The following PCSK2 variants were observed in gnomAD, a reference collection of about 807,000 sequenced individuals.
The protein encoded by PCSK2 is proprotein convertase subtilisin/kexin type 2, also known as neuroendocrine convertase 2.
PCSK2 carries 14 observed loss-of-function variants against 69.7 expected under a neutral mutation model. The observed-to-expected ratio is 0.20, with a 90% CI of 0.13 to 0.31. The LOEUF is 0.31. Ranked by LOEUF, PCSK2 falls within the 10% of genes least tolerant of loss-of-function variation. The pLI is 1.00. For missense variants in PCSK2, 544 were observed against 842.5 expected, an observed-to-expected ratio of 0.65 and a Z score of 4.39; for synonymous variants, 307 against 320.7, an observed-to-expected ratio of 0.96 and a Z score of 0.46.
chr20:17,396,351 G>A (rs1189057631), intron 5 of PCSK2, among the ~76,000 whole-genome samples: 2 of 152,202 alleles, frequency 1.3e-5, no homozygotes, highest in East Asian at 3.9e-4. Flanking sequence ...CATAACTGCA[G>A]CTGTGGTAAG....
intron 5 of PCSK2, among the ~76,000 whole-genome samples, chr20:17,395,013 A>C (rs192084584): frequency 6.6e-6 from 1 of 152,316 alleles, no homozygotes; most frequent in East Asian, 1.9e-4. Context: ...TCTTGTTCAA[A>C]GGTTCAAACT....
chr20:17,305,205 C>T (rs1338939813), intron 2 of PCSK2, among the ~76,000 whole-genome samples: 1 of 152,192 alleles, frequency 6.6e-6, no homozygotes, highest in Non-Finnish European at 1.5e-5. Flanking sequence ...TTTAGGGAAA[C>T]ACTCGTATAA....
chr20:17,369,131 G>A (rs2030683545), intron 4 of PCSK2, 109 bp from the exon 5 acceptor site: 1 of 885,154 alleles, frequency 1.1e-6, no homozygotes, highest in African/African-American at 1.6e-5. Flanking sequence ...CCCATGGCAA[G>A]CCTTCTGGCA....
chr20:17,432,517 C>T (rs944114387), intron 7 of PCSK2, among the ~76,000 whole-genome samples: 2 of 152,044 alleles, frequency 1.3e-5, no homozygotes, highest in Non-Finnish European at 2.9e-5. Flanking sequence ...TTGAAAATGC[C>T]TTTATTCAAG....
chr20:17,385,767 C>T (rs1303836470), intron 5 of PCSK2, among the ~76,000 whole-genome samples: 1 of 152,152 alleles, frequency 6.6e-6, no homozygotes. Context: ...GAAGTCAATA[C>T]AGGGTGTGCA....
In PCSK2 at chr20:17,294,167, C is replaced by A. The variant is rs1191632738; in HGVS notation, c.282+33823C>A. On this transcript the variant is annotated intron_variant, in intron 2 of 11. Transcript: ENST00000262545. The stretch of plus-strand genomic sequence containing the variant: ...TAGCCCAGGCCGGATTGCAGTGGCG[C>A]GATCTCGGCTCACTGCAAGCTCCGC... Among the ~76,000 whole-genome samples the A allele has an allele frequency of 8.5e-5, 12 of 140,472 alleles. No homozygotes were observed. In the South Asian group the frequency reaches 2.4e-3, roughly 28 times the overall value. The allele number at this position is 140,472 out of a possible 152,430, so 92.2% of individuals were successfully genotyped here.
intron 8 of PCSK2, among the ~76,000 whole-genome samples, chr20:17,452,622 C>T (rs2032848201): frequency 6.6e-6 from 1 of 152,200 alleles, no homozygotes; most frequent in African/African-American, 2.4e-5. Context: ...TGTCTTCTCC[C>T]TCTAGAGGGT....
chr20:17,419,258 C>T (rs1055309714), intron 6 of PCSK2, among the ~76,000 whole-genome samples: 17 of 152,162 alleles, frequency 1.1e-4, no homozygotes, highest in African/African-American at 3.1e-4. Flanking sequence ...GCCTTGTGCT[C>T]GATTTGCTTT....
intron 3 of PCSK2, among the ~76,000 whole-genome samples, chr20:17,359,774 G>T (rs1392845581): frequency 5.9e-5 from 9 of 151,740 alleles, no homozygotes; most frequent in South Asian, 2.1e-4. Flanking sequence ...GTGGGCTTTT[G>T]CCAGTACAAG....
intron 11 of PCSK2, among the ~76,000 whole-genome samples, chr20:17,476,069 C>G (rs990209865): frequency 2.0e-5 from 3 of 152,152 alleles, no homozygotes; most frequent in African/African-American, 7.2e-5. Context: ...GCCTAGAAAC[C>G]CTGTGATAGA....
At chr20:17,239,485 T>C (rs2122950094) in intron 1 of PCSK2, among the ~76,000 whole-genome samples, 1 of 152,018 alleles carries the variant, frequency 6.6e-6, no homozygotes, top group Non-Finnish European at 1.5e-5. Flanking sequence ...CCTTGGAGAG[T>C]TGTGTCTTAA....
chr20:17,293,078 G>A (rs2061031704), intron 2 of PCSK2, among the ~76,000 whole-genome samples: 2 of 152,116 alleles, frequency 1.3e-5, no homozygotes, highest in Admixed American at 1.3e-4. Context: ...ACCTGCCTCG[G>A]CCTCTCAAAG....
intron 5 of PCSK2, among the ~76,000 whole-genome samples, chr20:17,396,618 A>AT (rs11483786): frequency 0.09 from 13,151 of 145,334 alleles, 685 homozygotes; most frequent in Non-Finnish European, 0.13. Context: ...AAGTCAACTT[A>AT]TTTTTTTTTT....
intron 1 of PCSK2, among the ~76,000 whole-genome samples, chr20:17,239,700 T>C (rs1402433232): frequency 2.0e-5 from 3 of 152,032 alleles, no homozygotes; most frequent in Non-Finnish European, 4.4e-5. Flanking sequence ...AACAAACATA[T>C]ACTGAGTAAG....
At chr20:17,268,060 T>TATATATATATATATATATATAAAA (rs1395373344) in intron 2 of PCSK2, among the ~76,000 whole-genome samples, 1 of 146,172 alleles carries the variant, frequency 6.8e-6, no homozygotes, top group Admixed American at 6.8e-5. Context: ...TATATATATA[T>TATATATATATATATATATATAAAA]ATAATGCATT....
intron 7 of PCSK2, among the ~76,000 whole-genome samples, chr20:17,433,274 C>T (rs2032405478): frequency 6.6e-6 from 1 of 152,218 alleles, no homozygotes; most frequent in Non-Finnish European, 1.5e-5. Context: ...CAATGAATCT[C>T]ATAACACTGC....
At position 17,354,093 on chromosome 20, in the gene PCSK2, G is replaced by T. The variant is rs139905278; in HGVS notation, c.283-4234G>T. ...ATGGGATCATTCATACCCTAAACTT[G>T]AGCATCATGCCATATATCCATGTGC... On this transcript the variant is annotated intron_variant, in intron 2 of 11. Transcript: ENST00000262545. 4.7e-3 allele frequency among the ~76,000 whole-genome samples: 715 copies of T among 152,236 alleles called. 17 individuals are homozygous for T. The highest frequency in any genetic ancestry group is 0.041 in the Admixed American group (624 of 15,288).
At chr20:17,235,388 G>A (rs920010384) in intron 1 of PCSK2, among the ~76,000 whole-genome samples, 3 of 152,068 alleles carry the variant, frequency 2.0e-5, no homozygotes, top group African/African-American at 7.2e-5. Flanking sequence ...CTTTAAATTT[G>A]ACATTAACTT....
rs1042399010 is a variant in PCSK2 at position 17,331,768 on chromosome 20, A to G, written c.283-26559A>G. Among the ~76,000 whole-genome samples the G allele has an allele frequency of 1.7e-3, 143 of 85,696 alleles. 1 individual carries two copies. Among genetic ancestry groups the G allele is most frequent in the Middle Eastern group, 6.2e-3 (1 of 162 alleles). The allele number at this position is 85,696 out of a possible 152,430, so 56.2% of individuals were successfully genotyped here. On this transcript the variant is annotated intron_variant, in intron 2 of 11. Transcript: ENST00000262545. ...TTTATGCCCATCATCTCGTGTGATT[A>G]AAAAAAAAAAAACCTCTGAGGTTGG... is the stretch of plus-strand genomic sequence containing the variant.
Sources: allele counts gnomAD v4.1 joint callset (sites outside exome capture counted in the v4.1 genomes callset), GRCh38; gene constraint gnomAD v4.1.1; transcripts MANE v1.5; gene names NCBI Gene and HGNC (gene_info 2026-07-23, HGNC 2026-07-21).